The following MYOM2 variants were observed in gnomAD, a reference collection of about 807,000 sequenced individuals.
The protein encoded by MYOM2 is myomesin 2.
Under a neutral mutation model 187.6 loss-of-function variants are expected in MYOM2, and 254 were observed. That is an observed-to-expected ratio of 1.35 (90% confidence interval 1.22 to 1.50). The LOEUF (loss-of-function observed/expected upper bound fraction) is 1.50, where lower values mean the gene tolerates loss of function less well. MYOM2 is among the 40% of genes most tolerant of loss of function. The pLI, the probability that MYOM2 is intolerant of heterozygous loss-of-function variation, is 0.00. For synonymous variants in MYOM2, 981 were observed against 753.8 expected (o/e 1.30, Z -4.94); for missense variants, 2,796 against 1,924.0 (o/e 1.45, Z -8.48).
intron 14 of MYOM2, among the ~76,000 whole-genome samples, chr8:2,086,687 C>T (rs1011894287): frequency 2.6e-5 from 4 of 152,264 alleles, no homozygotes; most frequent in Admixed American, 2.6e-4. Context: ...GGGCGTTGCC[C>T]CTCGGTGTGA....
chr8:2,129,451 G>A (rs1797775188), intron 32 of MYOM2, among the ~76,000 whole-genome samples: 1 of 152,216 alleles, frequency 6.6e-6, no homozygotes, highest in South Asian at 2.1e-4. Context: ...ATGCCTGATA[G>A]TGTTACAGAC....
chr8:2,096,409 C>A lies in MYOM2; in HGVS notation c.2288C>A (p.Ser763Ter), dbSNP rs774795146. 2 of 1,614,118 alleles carry A rather than the reference C, an allele frequency of 1.2e-6. No homozygotes were observed. The highest frequency in any genetic ancestry group is 2.7e-5 in the African/African-American group (2 of 74,954). The stretch of plus-strand genomic sequence containing the variant: ...AAAAACTGGCACGAGGTCAATTCCT[C>A]ACCCAGCAAACCGACAATCCTAACG... ...HHKNWHEVNS[S>*]PSKPTILTVD... The change falls in exon 18 of 37, where the codon TCA (serine) becomes TAA (stop). Residue 763 changes from serine to a stop codon, truncating the protein, a stop_gained. Coordinates refer to ENST00000262113, the MANE Select transcript of MYOM2 (RefSeq NM_003970.4). LOFTEE classifies it high-confidence loss of function.
chr8:2,144,419 A>G lies in MYOM2; in HGVS notation c.4081-245A>G, dbSNP rs1171255523. On this transcript the variant is annotated intron_variant, in intron 36 of 36. Transcript: ENST00000262113. Reference sequence around the variant, plus strand: ...CTTAGGCTATGGATAAAAGCTAAGAATAAATAGGACACATGCTCACTGATT... The same window carrying G: ...CTTAGGCTATGGATAAAAGCTAAGAGTAAATAGGACACATGCTCACTGATT... Among the ~76,000 whole-genome samples, 3 of 152,244 alleles carry G rather than the reference A, an allele frequency of 2.0e-5. No homozygotes were observed. The East Asian group carries it at 5.8e-4, about 29-fold the overall frequency.
chr8:2,066,213 C>T (rs1272981627), intron 6 of MYOM2, among the ~76,000 whole-genome samples: 3 of 152,170 alleles, frequency 2.0e-5, no homozygotes, highest in Admixed American at 6.5e-5. Context: ...GGTTCCTGCA[C>T]GGGAACTGCC....
intron 1 of MYOM2, among the ~76,000 whole-genome samples, chr8:2,045,431 G>T (rs534074860): frequency 6.6e-6 from 1 of 152,348 alleles, no homozygotes; most frequent in South Asian, 2.1e-4. Context: ...ACCCTGCGGC[G>T]TGTGCTTTGG....
chr8:2,138,698 T>C (rs1207879402), intron 32 of MYOM2, among the ~76,000 whole-genome samples: 1 of 152,120 alleles, frequency 6.6e-6, no homozygotes, highest in African/African-American at 2.4e-5. Flanking sequence ...TGTAGACAAA[T>C]GTGTGTCAGT....
At chr8:2,077,270 A>G (rs1381420855) in intron 11 of MYOM2, among the ~76,000 whole-genome samples, 1 of 152,174 alleles carries the variant, frequency 6.6e-6, no homozygotes, top group Non-Finnish European at 1.5e-5. Context: ...AGATTGCGCC[A>G]CTGGACTCCA....
intron 1 of MYOM2, among the ~76,000 whole-genome samples, chr8:2,047,719 C>A (rs1203525882): frequency 6.6e-6 from 1 of 152,188 alleles, no homozygotes; most frequent in Admixed American, 6.5e-5. Flanking sequence ...CCTGTTACCC[C>A]CATCCAAAGA....
rs747039412 is a variant in MYOM2 at position 2,116,298 on chromosome 8, G to T, written c.3385+23G>T. 4 of 1,605,150 alleles carry T rather than the reference G, an allele frequency of 2.5e-6. No homozygotes were observed. The African/African-American group carries it at 5.4e-5, about 22-fold the overall frequency. ...AAGGTGAGTTTCCTCACTCTGACCG[G>T]CTCCCCTGCCCCTAGCATAAAGCAA... On this transcript the variant is annotated intron_variant, in intron 27 of 36. Transcript: ENST00000262113.
At chr8:2,074,799 T>A (rs1227351646) in intron 10 of MYOM2, among the ~76,000 whole-genome samples, 1 of 152,186 alleles carries the variant, frequency 6.6e-6, no homozygotes, top group African/African-American at 2.4e-5. Flanking sequence ...CCCCTCCTGC[T>A]TCTGCCCTGG....
At chr8:2,065,968 G>A (rs924176418) in intron 6 of MYOM2, among the ~76,000 whole-genome samples, 1 of 152,226 alleles carries the variant, frequency 6.6e-6, no homozygotes, top group African/African-American at 2.4e-5. Flanking sequence ...CAGTGTGAAC[G>A]CTGTTGATGT....
intron 6 of MYOM2, among the ~76,000 whole-genome samples, chr8:2,065,029 T>C (rs755536533): frequency 6.6e-6 from 1 of 152,268 alleles, no homozygotes; most frequent in Non-Finnish European, 1.5e-5. Context: ...ATTCAGCTAT[T>C]ATTTCTTAGT....
chr8:2,125,626 T>C (rs1797609158), intron 31 of MYOM2, among the ~76,000 whole-genome samples: 1 of 123,826 alleles, frequency 8.1e-6, no homozygotes, highest in South Asian at 2.7e-4. Context: ...TTTTTTTTTT[T>C]GAGACGGAGT....
At chr8:2,056,259 G>C (rs982912644) in intron 3 of MYOM2, among the ~76,000 whole-genome samples, 8 of 152,196 alleles carry the variant, frequency 5.3e-5, no homozygotes, top group Non-Finnish European at 1.0e-4. Context: ...TTGGAGGAAG[G>C]ATGGAGTTTT....
At chr8:2,115,303 T>G (rs1797203781) in intron 25 of MYOM2, among the ~76,000 whole-genome samples, 1 of 152,206 alleles carries the variant, frequency 6.6e-6, no homozygotes, top group Admixed American at 6.5e-5. Flanking sequence ...AAGATCAAAT[T>G]TGCTCAATTC....
chr8:2,074,690 A>T (rs552957453), intron 10 of MYOM2, among the ~76,000 whole-genome samples: 1 of 152,196 alleles, frequency 6.6e-6, no homozygotes, highest in African/African-American at 2.4e-5. Flanking sequence ...CTTGATCATA[A>T]GTGATTGGCC....
intron 25 of MYOM2, among the ~76,000 whole-genome samples, chr8:2,113,650 A>T (rs530840385): frequency 1.3e-5 from 2 of 152,230 alleles, no homozygotes; most frequent in East Asian, 3.9e-4. Context: ...GTCTCAGTTG[A>T]TCAAGAAGGC....
Position 2,052,231 on chromosome 8 carries a change from A to G in MYOM2, c.181A>G (p.Thr61Ala). The G allele has an allele frequency of 6.2e-7, 1 of 1,613,372 alleles. No homozygotes were observed. Among genetic ancestry groups the G allele is most frequent in the Non-Finnish European group, 8.5e-7 (1 of 1,179,790 alleles). Residue 61 changes from threonine to alanine, a missense_variant, in exon 3 of 37, where the codon ACG (threonine) becomes GCG (alanine). By Grantham distance (58) the Thr-to-Ala change is moderately conservative. Coordinates refer to ENST00000262113, the MANE Select transcript of MYOM2 (RefSeq NM_003970.4). ...RSSSQRASSQTSLGGTICRVC... is the reference protein window; with the variant it reads ...RSSSQRASSQASLGGTICRVC... ...GTCTTCACAGAGAGCCTCCAGCCAGACGTCCCTGGGAGGAACCATCTGCAG... is the reference window on the plus strand; with the variant it reads ...GTCTTCACAGAGAGCCTCCAGCCAGGCGTCCCTGGGAGGAACCATCTGCAG...
At chr8:2,086,498 C>A (rs916373856) in intron 14 of MYOM2, among the ~76,000 whole-genome samples, 2 of 142,508 alleles carry the variant, frequency 1.4e-5, no homozygotes, top group African/African-American at 5.1e-5. Flanking sequence ...TGTGGCCCCC[C>A]ACTGTCGTGA....
Sources: allele counts gnomAD v4.1 joint callset (sites outside exome capture counted in the v4.1 genomes callset), GRCh38; gene constraint gnomAD v4.1.1; transcripts MANE v1.5; gene names NCBI Gene and HGNC (gene_info 2026-07-23, HGNC 2026-07-21).